NAA60: variants seen among roughly 807,000 people sequenced by gnomAD.
NAA60 encodes N-alpha-acetyltransferase 60.
A neutral mutation model predicts 26.1 loss-of-function variants in NAA60; 8 were observed. That is an observed-to-expected ratio of 0.31 (90% confidence interval 0.18 to 0.55). The LOEUF (loss-of-function observed/expected upper bound fraction) is 0.55. Ranked by LOEUF, NAA60 falls within the 20% of genes least tolerant of loss-of-function variation. NAA60 has a pLI of 0.93. For synonymous variants in NAA60, 131 were observed against 122.5 expected (o/e 1.07, Z -0.46); for missense variants, 290 against 311.3 (o/e 0.93, Z 0.51).
At chr16:3,478,287 C>G (rs932541309) in intron 3 of NAA60, among the ~76,000 whole-genome samples, 3 of 152,184 alleles carry the variant, frequency 2.0e-5, no homozygotes, top group Non-Finnish European at 4.4e-5. Flanking sequence ...CTGCTGGAAA[C>G]TAATCTAGAG....
At chr16:3,482,704 C>T in intron 5 of NAA60, 106 bp downstream of exon 5, 1 of 780,094 alleles carries the variant, frequency 1.3e-6, no homozygotes, top group Non-Finnish European at 2.1e-6. Context: ...ACAACTCTGG[C>T]TCGTGAACAT....
rs185211063 is a variant in NAA60, at chr16:3,456,661, G to C, written c.-7+8121G>C. 2.8e-4 allele frequency: 43 copies of C among 152,328 alleles called. 2 individuals carry two copies. The highest frequency in any genetic ancestry group is 2.5e-3 in the Admixed American group (38 of 15,292). 9.4% of individuals were successfully genotyped at this position (152,328 alleles called of 1,614,324 possible). A position where few individuals can be genotyped will look rare whatever the true frequency, so the allele number is the denominator to read the frequency against. On this transcript the variant is annotated intron_variant, in intron 2 of 7. Coordinates refer to ENST00000407558, the MANE Select transcript of NAA60 (RefSeq NM_001083601.3). ...AGGCTGAGAAATAAAAGCCTAGCTT[G>C]ACAGTGATCTGCCTGCTGAAGGGGG...
intron 1 of NAA60, among the ~76,000 whole-genome samples, chr16:3,444,163 G>A (rs1350251991): frequency 6.6e-6 from 1 of 152,130 alleles, no homozygotes; most frequent in Non-Finnish European, 1.5e-5. Flanking sequence ...GTCGCAGGAC[G>A]TTGTTCGCCC....
At chr16:3,447,862 T>G (rs1442945709) in intron 1 of NAA60, among the ~76,000 whole-genome samples, 1 of 152,176 alleles carries the variant, frequency 6.6e-6, no homozygotes, top group African/African-American at 2.4e-5. Context: ...TAGGAGTCTT[T>G]TAATTAGAAA....
In NAA60 at chr16:3,479,580, A is replaced by G; in HGVS notation, c.220A>G (p.Arg74Gly). 6.2e-7 allele frequency: 1 copy of G among 1,614,068 alleles called. No individual in the cohort carries two copies. Among genetic ancestry groups the G allele is most frequent in the Non-Finnish European group, 8.5e-7 (1 of 1,179,894 alleles). ...AATGATAGTAGCTGAAATTAAGAAC[A>G]GGACCAAAATACATAAAGAGGTACG... Reference protein sequence around the residue: ...VGMIVAEIKNRTKIHKEDGDI... With the variant: ...VGMIVAEIKNGTKIHKEDGDI... The change falls in exon 4 of 8, where the codon AGG (arginine) becomes GGG (glycine). Residue 74 changes from arginine to glycine, a missense_variant. Coordinates refer to ENST00000407558, the MANE Select transcript of NAA60 (RefSeq NM_001083601.3).
intron 1 of NAA60, chr16:3,447,500 G>T (rs1307804954): frequency 1.0e-6 from 1 of 985,232 alleles, no homozygotes; most frequent in Non-Finnish European, 1.2e-6. Context: ...GCCTTTTAAG[G>T]TCTATTACTT....
chr16:3,471,772 CTGGGCCTA>C (rs2036163108), intron 2 of NAA60, among the ~76,000 whole-genome samples: 1 of 152,142 alleles, frequency 6.6e-6, no homozygotes, highest in Non-Finnish European at 1.5e-5. Context: ...ACCTGGGCGG[CTGGGCCTA>C]TGGGCTCTGG....
intron 4 of NAA60, among the ~76,000 whole-genome samples, chr16:3,482,219 C>T (rs905137603): frequency 3.3e-5 from 5 of 152,238 alleles, no homozygotes; most frequent in Non-Finnish European, 7.3e-5. Flanking sequence ...GTGCTGGCAT[C>T]AGAGCCTCAT....
intron 2 of NAA60, among the ~76,000 whole-genome samples, chr16:3,452,529 G>A (rs1399934592): frequency 8.6e-5 from 13 of 151,864 alleles, no homozygotes; most frequent in Admixed American, 5.2e-4. Flanking sequence ...GGTGGCAGGT[G>A]CCTGTAGTCC....
chr16:3,469,929 G>A (rs969950316), intron 2 of NAA60, among the ~76,000 whole-genome samples: 2 of 152,208 alleles, frequency 1.3e-5, no homozygotes, highest in African/African-American at 2.4e-5. Flanking sequence ...TACCTGCCGC[G>A]TGTCTGTCTC....
Position 3,483,582 on chromosome 16 carries a change from C to G in NAA60, c.557C>G (p.Pro186Arg). The change falls in exon 6 of 8, where the codon CCT (proline) becomes CGT (arginine). Residue 186 changes from proline (P) to arginine (R), a missense_variant. Pro to Arg is a moderately radical substitution (Grantham distance 103). Transcript: ENST00000407558. ...GTCCTCTACATCAACGGCGGCCACC[C>G]TCCCTGGACGATTTTATATCCTTAA... ...TYVLYINGGH[P>R]PWTILDYIQH... The G allele has an allele frequency of 6.2e-7, 1 of 1,611,274 alleles. No homozygotes were observed. Among genetic ancestry groups the G allele is most frequent in the Non-Finnish European group, 8.5e-7 (1 of 1,178,756 alleles).
At chr16:3,455,343 T>C (rs897584154) in intron 2 of NAA60, among the ~76,000 whole-genome samples, 12 of 151,866 alleles carry the variant, frequency 7.9e-5, no homozygotes, top group African/African-American at 2.9e-4. Flanking sequence ...AGTGCTGGGA[T>C]TACAGGCATG....
intron 2 of NAA60, among the ~76,000 whole-genome samples, chr16:3,474,535 A>G (rs2150999898): frequency 6.6e-6 from 1 of 152,390 alleles, no homozygotes; most frequent in East Asian, 1.9e-4. Context: ...AAGGTTGTGC[A>G]GAAACCTGGA....
chr16:3,479,848 C>T (rs1378688501), intron 4 of NAA60, among the ~76,000 whole-genome samples: 1 of 152,174 alleles, frequency 6.6e-6, no homozygotes, highest in Non-Finnish European at 1.5e-5. Context: ...CGTTCTGAAG[C>T]AGGCATGAGC....
intron 2 of NAA60, chr16:3,462,560 C>T (rs1340440067): frequency 6.6e-6 from 1 of 152,188 alleles, no homozygotes; most frequent in East Asian, 1.9e-4. Flanking sequence ...CTCCTCTGGC[C>T]TCCCGTTTTT....
At chr16:3,483,812 C>T (rs1596364480) in intron 6 of NAA60, 7 of 561,366 alleles carry the variant, frequency 1.2e-5, no homozygotes, top group South Asian at 9.4e-5. Flanking sequence ...AGGCTGGTCT[C>T]GAACTCCTAA....
chr16:3,469,850 T>G (rs969855279), intron 2 of NAA60, among the ~76,000 whole-genome samples: 1 of 152,224 alleles, frequency 6.6e-6, no homozygotes, highest in Non-Finnish European at 1.5e-5. Context: ...CATGAAGCCA[T>G]CCAGCCAAGA....
intron 3 of NAA60, among the ~76,000 whole-genome samples, chr16:3,476,873 C>T (rs2036518085): frequency 6.6e-6 from 1 of 152,102 alleles, no homozygotes; most frequent in Admixed American, 6.6e-5. Context: ...GAAACCCCGT[C>T]TCTACTAAAA....
At chr16:3,461,206 T>C (rs1483106048) in intron 2 of NAA60, among the ~76,000 whole-genome samples, 1 of 151,904 alleles carries the variant, frequency 6.6e-6, no homozygotes, top group Non-Finnish European at 1.5e-5. Context: ...GGATTAACAT[T>C]CTGCTATGAA....
Sources: allele counts gnomAD v4.1 joint callset (sites outside exome capture counted in the v4.1 genomes callset), GRCh38; gene constraint gnomAD v4.1.1; transcripts MANE v1.5; gene names NCBI Gene and HGNC (gene_info 2026-07-23, HGNC 2026-07-21).